The following CUL2 variants were observed in gnomAD, a reference collection of about 807,000 sequenced individuals.
CUL2 encodes cullin-2.
Under a neutral mutation model 110.2 loss-of-function variants are expected in CUL2, and 22 were observed. The observed-to-expected ratio is 0.20, with a 90% CI of 0.14 to 0.28. The LOEUF is 0.28. CUL2 is among the 10% of genes least tolerant of loss of function. CUL2 has a pLI of 1.00. For missense variants in CUL2, 631 were observed against 905.5 expected, an observed-to-expected ratio of 0.70 and a Z score of 3.89; for synonymous variants, 279 against 293.2, an observed-to-expected ratio of 0.95 and a Z score of 0.49.
intron 1 of CUL2, among the ~76,000 whole-genome samples, chr10:35,083,631 G>A (rs1009141125): frequency 5.3e-5 from 8 of 152,162 alleles, no homozygotes; most frequent in Non-Finnish European, 8.8e-5. Flanking sequence ...GGGGCATATC[G>A]AAAGGACACA....
At chr10:35,071,698 A>G (rs573203222) in intron 1 of CUL2, among the ~76,000 whole-genome samples, 24 of 152,292 alleles carry the variant, frequency 1.6e-4, no homozygotes, top group South Asian at 6.2e-4. Flanking sequence ...ATGAACCATC[A>G]CACCCGGCCA....
chr10:35,084,622 G>A (rs896200506), intron 1 of CUL2, among the ~76,000 whole-genome samples: 3 of 152,210 alleles, frequency 2.0e-5, no homozygotes, highest in Non-Finnish European at 4.4e-5. Context: ...CCCAGGCACA[G>A]AGCCAAATCA....
In CUL2 at chr10:35,051,936, G is replaced by A. The variant is rs188302589; in HGVS notation, c.424-2171C>T. On this transcript the variant is annotated intron_variant, in intron 5 of 20. Coordinates refer to ENST00000374749, the MANE Select transcript of CUL2 (RefSeq NM_003591.4). ...AATTTACCAATCTTCTTTATCATGGGTATTTTTTAAGAAATCCTTCTCTGC... is the reference window on the plus strand; with the variant it reads ...AATTTACCAATCTTCTTTATCATGGATATTTTTTAAGAAATCCTTCTCTGC... Among the ~76,000 whole-genome samples, 72 of 152,180 alleles carry A rather than the reference G, an allele frequency of 4.7e-4. No homozygotes were observed. The East Asian group carries it at 9.6e-3, about 20-fold the overall frequency.
chr10:35,095,645 G>A (rs924917551), intron 2 of CUL2, among the ~76,000 whole-genome samples: 5 of 151,976 alleles, frequency 3.3e-5, no homozygotes, highest in African/African-American at 1.2e-4. Context: ...TGCAACCTCC[G>A]CCTCCCCGGT....
At chr10:35,065,657 T>G (rs1033741490) in intron 2 of CUL2, among the ~76,000 whole-genome samples, 1 of 149,420 alleles carries the variant, frequency 6.7e-6, no homozygotes, top group African/African-American at 2.5e-5. Flanking sequence ...AAAAAGAGAT[T>G]GAGACCATCC....
intron 2 of CUL2, among the ~76,000 whole-genome samples, chr10:35,064,973 C>G (rs1164335292): frequency 6.6e-6 from 1 of 152,218 alleles, no homozygotes; most frequent in African/African-American, 2.4e-5. Flanking sequence ...TACAGTACTT[C>G]TGCACTGTTG....
At chr10:35,041,911 C>A (rs1358378099) in intron 8 of CUL2, among the ~76,000 whole-genome samples, 1 of 152,098 alleles carries the variant, frequency 6.6e-6, no homozygotes, top group Non-Finnish European at 1.5e-5. Flanking sequence ...CTTTTAACAC[C>A]TTGAGATGTA....
chr10:35,112,607 T>C (rs1352611630), intron 1 of CUL2, among the ~76,000 whole-genome samples: 1 of 151,948 alleles, frequency 6.6e-6, no homozygotes, highest in African/African-American at 2.4e-5. Flanking sequence ...TATGGCTGAG[T>C]TTTGGGCTGT....
chr10:35,070,462 A>G (rs1175629236), intron 2 of CUL2, among the ~76,000 whole-genome samples: 1 of 152,174 alleles, frequency 6.6e-6, no homozygotes. Context: ...GCCCCATATA[A>G]TGAGGGCAGC....
At chr10:35,087,312 C>G (rs555133547) in intron 1 of CUL2, among the ~76,000 whole-genome samples, 2 of 152,288 alleles carry the variant, frequency 1.3e-5, no homozygotes, top group African/African-American at 2.4e-5. Flanking sequence ...AGTTTTTGTT[C>G]AAAACATTAG....
At position 35,123,629 on chromosome 10, in the gene CUL2, C is replaced by T. The variant is rs116532864; in HGVS notation, c.-51+2976G>A. On this transcript the variant is annotated intron_variant, in intron 1 of 5. Coordinates refer to the CUL2 transcript ENST00000685421. ...ACATGAGTAGAAGAATGACCAAAAT[C>T]GTTTCAAGGTGTAGAGGCAGGATGA... Among the ~76,000 whole-genome samples the T allele has an allele frequency of 1.0e-2, 1,517 of 152,244 alleles. 34 individuals are homozygous for T. Among genetic ancestry groups the T allele is most frequent in the African/African-American group, 0.035 (1,437 of 41,534 alleles).
chr10:35,093,143 C>T (rs1479851392), upstream of CUL2, among the ~76,000 whole-genome samples: 1 of 152,116 alleles, frequency 6.6e-6, no homozygotes, highest in Non-Finnish European at 1.5e-5. Context: ...CCCAACCCAT[C>T]AGCAGAACCC....
rs1554851931 is a variant in CUL2, at chr10:35,009,201, T to TTTTATA, written c.*1109_*1110insTATAAA. On this transcript the variant is annotated 3_prime_UTR_variant, in exon 21 of 21. Coordinates refer to ENST00000374749, the MANE Select transcript of CUL2 (RefSeq NM_003591.4). ...CTGTTGAGATATATATATATATATA[T>TTTTATA]TATATATATATATATATATAAAATA... 7 of 137,896 alleles carry TTTTATA rather than the reference T, an allele frequency of 5.1e-5. No individual in the cohort carries two copies. The highest frequency in any genetic ancestry group is 1.6e-4 in the African/African-American group (6 of 37,358). The allele number at this position is 137,896 out of a possible 1,614,324, so 8.5% of individuals were successfully genotyped here.
intron 6 of CUL2, 62 bp from the exon 7 acceptor site, chr10:35,044,930 A>G: frequency 9.4e-7 from 1 of 1,063,134 alleles, no homozygotes. Flanking sequence ...AAATATACCC[A>G]AAATATGCCA....
At chr10:35,079,517 C>T (rs2042381062) in intron 1 of CUL2, 1 of 152,592 alleles carries the variant, frequency 6.6e-6, no homozygotes, top group African/African-American at 2.4e-5. Flanking sequence ...TGTCTTCCAC[C>T]CACCAGTGTA....
chr10:35,024,231 G>T (rs1022710113), intron 17 of CUL2, among the ~76,000 whole-genome samples: 1 of 152,102 alleles, frequency 6.6e-6, no homozygotes, highest in African/African-American at 2.4e-5. Context: ...TGTCCAACTT[G>T]CTCAGTAAAG....
intron 1 of CUL2, among the ~76,000 whole-genome samples, chr10:35,088,034 C>T (rs571237500): frequency 3.0e-4 from 46 of 152,320 alleles, no homozygotes; most frequent in Admixed American, 1.1e-3. Flanking sequence ...AAACTGTTCC[C>T]TCAGAATTTC....
At chr10:35,029,888 T>C (rs942615868) in intron 14 of CUL2, among the ~76,000 whole-genome samples, 1 of 152,190 alleles carries the variant, frequency 6.6e-6, no homozygotes, top group African/African-American at 2.4e-5. Flanking sequence ...AAATCTCCCC[T>C]TAAACAAAAA....
At chr10:35,038,625 T>G (rs978504461) in intron 9 of CUL2, among the ~76,000 whole-genome samples, 3 of 151,166 alleles carry the variant, frequency 2.0e-5, no homozygotes, top group Non-Finnish European at 4.4e-5. Context: ...CTTTTTATAG[T>G]CTTTGCCTTT....
Sources: allele counts gnomAD v4.1 joint callset (sites outside exome capture counted in the v4.1 genomes callset), GRCh38; gene constraint gnomAD v4.1.1; transcripts MANE v1.5; gene names NCBI Gene and HGNC (gene_info 2026-07-23, HGNC 2026-07-21).